AMMECR1: variants seen among roughly 807,000 people sequenced by gnomAD.
AMMECR1 encodes the protein AMMECR nuclear protein 1, also known as nuclear protein AMMECR1.
AMMECR1 carries 3 observed loss-of-function variants against 22.5 expected under a neutral mutation model. That is an observed-to-expected ratio of 0.13 (90% CI 0.06 to 0.35). The LOEUF is 0.35. Ranked by LOEUF, AMMECR1 falls within the 10% of genes least tolerant of loss-of-function variation. The pLI, the probability that AMMECR1 is intolerant of heterozygous loss-of-function variation, is 1.00. For missense variants in AMMECR1, 235 were observed against 278.7 expected, an observed-to-expected ratio of 0.84 and a Z score of 1.12; for synonymous variants, 130 against 116.7, an observed-to-expected ratio of 1.11 and a Z score of -0.74.
At chrX:110,346,880 C>T (rs1242682271) in intron 2 of AMMECR1, 1 of 628,648 alleles carries the variant, frequency 1.6e-6, no homozygotes. Context: ...CCACTTTCTT[C>T]GTAGCGGCGA....
At chrX:110,387,228 T>A (rs970222442) in intron 2 of AMMECR1, among the ~76,000 whole-genome samples, 15 of 112,241 alleles carry the variant, frequency 1.3e-4, no homozygotes, top group Admixed American at 1.3e-3. Context: ...ATCCCCACAG[T>A]CCCACCTTTC....
intron 2 of AMMECR1, among the ~76,000 whole-genome samples, chrX:110,366,267 G>A (rs1021087229): frequency 8.9e-6 from 1 of 111,957 alleles, no homozygotes; most frequent in Non-Finnish European, 1.9e-5. Flanking sequence ...CCATGAACAA[G>A]CAATGTTACA....
At chrX:110,351,540 G>A (rs1017822627) in intron 2 of AMMECR1, among the ~76,000 whole-genome samples, 6 of 111,583 alleles carry the variant, frequency 5.4e-5, no homozygotes, top group African/African-American at 3.3e-5. Flanking sequence ...ATCTTCACAT[G>A]CAAAAGAATG....
chrX:110,218,621 T>A (rs1006940299), intron 2 of AMMECR1, among the ~76,000 whole-genome samples: 13 of 107,428 alleles, frequency 1.2e-4, no homozygotes, highest in Admixed American at 4.0e-4. Flanking sequence ...GTCACTAATG[T>A]TTTTAATCCA....
At chrX:110,238,762 C>T (rs1342466700) in intron 2 of AMMECR1, among the ~76,000 whole-genome samples, 1 of 112,301 alleles carries the variant, frequency 8.9e-6, no homozygotes, top group Non-Finnish European at 1.9e-5. Context: ...GGAGACACCT[C>T]CCAGCAGGGG....
intron 5 of AMMECR1, 67 bp downstream of exon 5, chrX:110,200,887 C>G (rs2067393836): frequency 2.6e-6 from 2 of 780,761 alleles, no homozygotes; most frequent in Non-Finnish European, 3.8e-6. Flanking sequence ...CCAAAGAAAT[C>G]AAAGGGTTAT....
chrX:110,225,786 A>G (rs958446446), intron 2 of AMMECR1, among the ~76,000 whole-genome samples: 5 of 111,703 alleles, frequency 4.5e-5, no homozygotes, highest in African/African-American at 1.6e-4. Flanking sequence ...GTACATGTAA[A>G]CTGAAATATG....
chrX:110,436,408 G>A (rs973755563), intron 1 of AMMECR1, among the ~76,000 whole-genome samples: 1 of 111,941 alleles, frequency 8.9e-6, no homozygotes, highest in East Asian at 2.8e-4. Context: ...AACCCACTCT[G>A]TATCTTTATA....
At chrX:110,208,671 T>G (rs972625309) in intron 3 of AMMECR1, among the ~76,000 whole-genome samples, 9 of 112,316 alleles carry the variant, frequency 8.0e-5, no homozygotes, top group Non-Finnish European at 1.5e-4. Context: ...ATAGTCACCA[T>G]GAAATTTTAG....
intron 2 of AMMECR1, among the ~76,000 whole-genome samples, chrX:110,379,295 A>G (rs2068402031): frequency 8.9e-6 from 1 of 112,171 alleles, no homozygotes; most frequent in Non-Finnish European, 1.9e-5. Flanking sequence ...TTCTTTCTCC[A>G]AGAGGGACAG....
chrX:110,346,829 T>G, intron 2 of AMMECR1: 1 of 682,662 alleles, frequency 1.5e-6, no homozygotes, highest in Non-Finnish European at 2.4e-6. Context: ...CCTGGGAAAC[T>G]TTTACGCTGT....
chrX:110,317,721 T>C lies in AMMECR1; in HGVS notation c.351A>G (p.Ser117=), dbSNP rs755599381. The change falls in exon 1 of 6, where the codon TCA becomes TCG. Residue 117 remains serine, a synonymous_variant. Coordinates refer to ENST00000262844, the MANE Select transcript of AMMECR1 (RefSeq NM_015365.3). ...CCACCATCTTCCGGGAGCCCGGCGATGAGGACGAGGCGGCGGACGATGAGG... is the reference window on the plus strand; with the variant it reads ...CCACCATCTTCCGGGAGCCCGGCGACGAGGACGAGGCGGCGGACGATGAGG... ...SPSSSSAASS[S]SPGSRKMVVS... is the part of the protein sequence containing the mutation. 5 of 1,202,074 alleles carry C rather than the reference T, an allele frequency of 4.2e-6. No homozygotes were observed. The highest frequency in any genetic ancestry group is 5.6e-6 in the Non-Finnish European group (5 of 890,260).
At chrX:110,252,361 T>C (rs1314948813) in intron 2 of AMMECR1, among the ~76,000 whole-genome samples, 7 of 111,284 alleles carry the variant, frequency 6.3e-5, no homozygotes, top group Admixed American at 1.9e-4. Flanking sequence ...GGCTGGAGGA[T>C]TGTTTGAGCC....
intron 2 of AMMECR1, among the ~76,000 whole-genome samples, chrX:110,220,914 G>A (rs954552302): frequency 2.6e-4 from 29 of 112,326 alleles, no homozygotes; most frequent in Admixed American, 1.9e-4. Context: ...AAAAAAAGTC[G>A]CTGAAAAGAG....
At chrX:110,251,572 T>C (rs1263065635) in intron 2 of AMMECR1, among the ~76,000 whole-genome samples, 8 of 111,887 alleles carry the variant, frequency 7.2e-5, no homozygotes, top group Admixed American at 1.9e-4. Context: ...AGATAGATTT[T>C]TGTCAACAAA....
intron 1 of AMMECR1, among the ~76,000 whole-genome samples, chrX:110,274,238 A>G (rs969380931): frequency 8.9e-6 from 1 of 111,850 alleles, no homozygotes; most frequent in African/African-American, 3.2e-5. Context: ...GTTAGGTCCA[A>G]TGTTTTATAA....
intron 2 of AMMECR1, among the ~76,000 whole-genome samples, chrX:110,327,670 G>A (rs1200416373): frequency 9.0e-6 from 1 of 111,551 alleles, no homozygotes; most frequent in South Asian, 3.8e-4. Context: ...CTGTAGAGGA[G>A]CACTAGGTCA....
chrX:110,261,098 T>C lies in AMMECR1; in HGVS notation c.584+3391A>G, dbSNP rs147132935. Among the ~76,000 whole-genome samples the C allele has an allele frequency of 3.4e-3, 382 of 111,038 alleles. 2 individuals carry two copies. Among genetic ancestry groups the C allele is most frequent in the African/African-American group, 0.012 (370 of 30,518 alleles). On this transcript the variant is annotated intron_variant, in intron 2 of 5. Transcript: ENST00000262844. Reference sequence around the variant, plus strand: ...TTTCAGTTGGGGAAGATGAAAAACGTTCTGGAGATGGATGGTGGTGATGAC... The same window carrying C: ...TTTCAGTTGGGGAAGATGAAAAACGCTCTGGAGATGGATGGTGGTGATGAC...
chrX:110,247,497 C>T (rs1391861599), intron 2 of AMMECR1, among the ~76,000 whole-genome samples: 3 of 111,735 alleles, frequency 2.7e-5, no homozygotes, highest in Non-Finnish European at 5.7e-5. Flanking sequence ...TGAAGACCAG[C>T]CTGGACAACA....
Sources: gnomAD v4.1 joint callset for allele counts (sites outside exome capture counted in the v4.1 genomes callset) on GRCh38, gnomAD v4.1.1 for gene constraint, MANE v1.5 for transcripts, NCBI Gene and HGNC (gene_info 2026-07-23, HGNC 2026-07-21) for gene names.